The following NRK variants were observed in gnomAD, a reference collection of about 807,000 sequenced individuals.
The protein encoded by NRK is nik-related protein kinase.
Under a neutral mutation model 125.2 loss-of-function variants are expected in NRK, and 67 were observed. The ratio of observed to expected loss-of-function variants is 0.54; its 90% CI spans 0.44 to 0.66. NRK has a LOEUF of 0.66. Among genes scored for constraint, NRK ranks in the 30% least tolerant of loss-of-function variants. The probability of loss-of-function intolerance (pLI) is 0.00; values close to 1 mark genes in which losing one functional copy is unlikely to be tolerated. For missense variants in NRK, 1,224 were observed against 1,192.9 expected (o/e 1.03, Z -0.38); for synonymous variants, 458 against 429.0 (o/e 1.07, Z -0.84).
chrX:105,826,134 G>GAT (rs1206763073), intron 1 of NRK, among the ~76,000 whole-genome samples: 1 of 88,562 alleles, frequency 1.1e-5, no homozygotes. Context: ...TATATGGTAA[G>GAT]ATATATATAT....
In NRK at chrX:105,836,027, G is replaced by T. The variant is rs533763455; in HGVS notation, c.123+4908G>T. Among the ~76,000 whole-genome samples the T allele has an allele frequency of 6.3e-5, 7 of 111,724 alleles. No individual in the cohort carries two copies. The South Asian group carries it at 2.6e-3, about 41-fold the overall frequency. Reference sequence around the variant, plus strand: ...AGTTGAATTCTTTATACCTGCTTCCGTTGTGACCTTGTCTTCCCTCTACAG... The same window carrying T: ...AGTTGAATTCTTTATACCTGCTTCCTTTGTGACCTTGTCTTCCCTCTACAG... On this transcript the variant is annotated intron_variant, in intron 2 of 28. Transcript: ENST00000243300.
At chrX:105,884,183 A>G (rs755171176) in intron 4 of NRK, among the ~76,000 whole-genome samples, 6 of 111,902 alleles carry the variant, frequency 5.4e-5, no homozygotes, top group Non-Finnish European at 9.4e-5. Context: ...TCAACTGCAC[A>G]TATCAGGACC....
intron 1 of NRK, among the ~76,000 whole-genome samples, 153 bp downstream of exon 1, chrX:105,823,055 A>G (rs1376142376): frequency 8.8e-6 from 1 of 113,220 alleles, no homozygotes; most frequent in African/African-American, 3.2e-5. Flanking sequence ...CGGCATGCGG[A>G]AAAGGCGCCC....
rs1412078460 is a variant in NRK, at chrX:105,915,773, C to T, written c.2393C>T (p.Ala798Val). Residue 798 changes from alanine to valine, a missense_variant, in exon 15 of 29, where the codon GCA (alanine) becomes GTA (valine). Coordinates refer to ENST00000243300, the MANE Select transcript of NRK (RefSeq NM_198465.4). ...SPSVPNNQDH[A>V]HHVKFSSSVP... ...TCTGTGCCTAACAACCAGGATCATG[C>T]ACATCATGTCAAGTTCTCTTCAAGG... 8.8e-7 allele frequency: 1 copy of T among 1,137,736 alleles called. No individual in the cohort carries two copies. The highest frequency in any genetic ancestry group is 3.0e-5 in the East Asian group (1 of 33,264). The allele number at this position is 1,137,736 out of a possible 1,213,427, so 93.8% of individuals were successfully genotyped here. A position where few individuals can be genotyped will look rare whatever the true frequency, so the allele number is the denominator to read the frequency against.
At chrX:105,846,575 C>T (rs1204768522) in intron 2 of NRK, among the ~76,000 whole-genome samples, 1 of 111,444 alleles carries the variant, frequency 9.0e-6, no homozygotes, top group Non-Finnish European at 1.9e-5. Flanking sequence ...GGCAGCAATA[C>T]ACTGTAGATC....
rs933238778 is a variant in NRK at position 105,947,344 on chromosome X, G to A, written c.4353+880G>A. ...TGTAGTCCCAGCTCCTTGGGAGGCTGAGGCAGGAGAATGGCGTGAACCCGG... is the reference window on the plus strand; with the variant it reads ...TGTAGTCCCAGCTCCTTGGGAGGCTAAGGCAGGAGAATGGCGTGAACCCGG... On this transcript the variant is annotated intron_variant, in intron 26 of 28. Coordinates refer to ENST00000243300, the MANE Select transcript of NRK (RefSeq NM_198465.4). Among the ~76,000 whole-genome samples, 14 of 73,947 alleles carry A rather than the reference G, an allele frequency of 1.9e-4. 2 individuals are homozygous for A. In the East Asian group the frequency reaches 5.2e-3, roughly 27 times the overall value. 64.2% of individuals were successfully genotyped at this position (73,947 alleles called of 115,157 possible).
chrX:105,942,333 G>A (rs149140263), intron 23 of NRK, among the ~76,000 whole-genome samples: 3,118 of 111,405 alleles, frequency 0.028, 56 homozygotes, highest in Non-Finnish European at 0.041. Context: ...TGGTTGCACC[G>A]TTTCACATTG....
intron 2 of NRK, among the ~76,000 whole-genome samples, chrX:105,869,361 AG>A (rs2039712800): frequency 9.0e-6 from 1 of 111,432 alleles, no homozygotes; most frequent in Non-Finnish European, 1.9e-5. Flanking sequence ...CTAGACCCTA[AG>A]GGCCTTGTAC....
intron 1 of NRK, among the ~76,000 whole-genome samples, 180 bp downstream of exon 1, chrX:105,823,082 G>A (rs2147624913): frequency 8.8e-6 from 1 of 113,194 alleles, no homozygotes; most frequent in South Asian, 3.6e-4. Flanking sequence ...CACCGGGACC[G>A]CACCAAACTC....
Position 105,944,007 on chromosome X carries a change from C to T in NRK, c.4025C>T (p.Ala1342Val), listed in dbSNP as rs756247924. The part of the protein sequence containing the change: ...LKSSIHLYAW[A>V]PKSFDESTAI... ...TCATCAATTCACCTTTATGCATGGGCACCAAAGTCCTTTGATGAAAGCACT... is the reference window on the plus strand; with the variant it reads ...TCATCAATTCACCTTTATGCATGGGTACCAAAGTCCTTTGATGAAAGCACT... Residue 1342 changes from alanine to valine, a missense_variant, in exon 24 of 29, where the codon GCA becomes GTA. Transcript: ENST00000243300. 7 of 1,160,247 alleles carry T rather than the reference C, an allele frequency of 6.0e-6. No homozygotes were observed. The South Asian group carries it at 1.1e-4, about 19-fold the overall frequency.
chrX:105,834,553 C>G (rs1318467361), intron 2 of NRK, among the ~76,000 whole-genome samples: 2 of 110,044 alleles, frequency 1.8e-5, no homozygotes, highest in Non-Finnish European at 3.8e-5. Flanking sequence ...TGACATATTT[C>G]ATTATTTGGG....
At chrX:105,903,287 T>A (rs1263243854) in intron 9 of NRK, among the ~76,000 whole-genome samples, 1 of 110,743 alleles carries the variant, frequency 9.0e-6, no homozygotes, top group Non-Finnish European at 1.9e-5. Context: ...ATATTCTCAA[T>A]GATGCTTCTT....
intron 13 of NRK, 25 bp downstream of exon 13, chrX:105,909,907 C>G: frequency 1.8e-6 from 2 of 1,089,252 alleles, no homozygotes; most frequent in Non-Finnish European, 2.4e-6. Flanking sequence ...TATTTTTACT[C>G]TGAGTCAAAA....
rs761975846 is a variant in NRK, at chrX:105,875,647, TTTA to T, written c.124-4533_124-4531del. 1.4e-4 allele frequency among the ~76,000 whole-genome samples: 15 copies of T among 109,709 alleles called. No homozygotes were observed. In the South Asian group the frequency reaches 1.9e-3, roughly 14 times the overall value. On this transcript the variant is annotated intron_variant, in intron 2 of 28. Coordinates refer to ENST00000243300, the MANE Select transcript of NRK (RefSeq NM_198465.4). ...CCCCAAATCAATAACTGAATTATTA[TTTA>T]TTATTATTATTATTATTAACTAAAC...
In NRK at chrX:105,909,884, TA is replaced by T; in HGVS notation, c.2241+4del. 9.0e-7 allele frequency: 1 copy of T among 1,116,261 alleles called. No homozygotes were observed. The highest frequency in any genetic ancestry group is 1.9e-5 in the African/African-American group (1 of 53,927). 92.0% of individuals were successfully genotyped at this position (1,116,261 alleles called of 1,213,427 possible). A position where few individuals can be genotyped will look rare whatever the true frequency, so the allele number is the denominator to read the frequency against. On this transcript the variant is annotated splice_donor_region_variant and intron_variant, in intron 13 of 28. Coordinates refer to ENST00000243300, the MANE Select transcript of NRK (RefSeq NM_198465.4). ...GAAGAATTGAGACAAGTTGATAAAG[TA>T]AGAATTTTTGATATTTTTACTCTGA...
chrX:105,909,494 G>T lies in NRK; in HGVS notation c.1853G>T (p.Gly618Val), dbSNP rs1440315372. ...ATTCCAGTAGAGGGGCAAACTGAAG[G>T]ATCACCTCAGGCACAGGCTTGGACA... ...VLIPVEGQTE[G>V]SPQAQAWTLE... Residue 618 changes from glycine to valine, a missense_variant, in exon 13 of 29, where the codon GGA (glycine) becomes GTA (valine). By Grantham distance (109) the Gly-to-Val change is moderately radical. Coordinates refer to ENST00000243300, the MANE Select transcript of NRK (RefSeq NM_198465.4). 4 of 1,208,431 alleles carry T rather than the reference G, an allele frequency of 3.3e-6. No individual in the cohort carries two copies. The highest frequency in any genetic ancestry group is 4.5e-6 in the Non-Finnish European group (4 of 894,486).
In NRK at chrX:105,924,772, G is replaced by T; in HGVS notation, c.3053G>T (p.Gly1018Val). Residue 1018 changes from glycine (G) to valine (V), a missense_variant, in exon 19 of 29, where the codon GGC becomes GTC. By Grantham distance (109) the Gly-to-Val change is moderately radical. Coordinates refer to ENST00000243300, the MANE Select transcript of NRK (RefSeq NM_198465.4). ...CGTGGAAAAGAGGAAGCCTACAGAGGCTATGGAAGCCATACAGCCAATAGA... is the reference window on the plus strand; with the variant it reads ...CGTGGAAAAGAGGAAGCCTACAGAGTCTATGGAAGCCATACAGCCAATAGA... ...GSRGKEEAYR[G>V]YGSHTANRSH... is the part of the protein sequence containing the mutation. 1 of 1,207,832 alleles carries T rather than the reference G, an allele frequency of 8.3e-7. No individual in the cohort carries two copies.
At chrX:105,897,799 T>C (rs2147732053) in intron 7 of NRK, among the ~76,000 whole-genome samples, 1 of 112,532 alleles carries the variant, frequency 8.9e-6, no homozygotes, top group East Asian at 2.8e-4. Flanking sequence ...CTTAGGTTTT[T>C]CTTTTTCCTT....
chrX:105,848,415 C>T (rs2039428414), intron 2 of NRK, among the ~76,000 whole-genome samples: 1 of 111,699 alleles, frequency 9.0e-6, no homozygotes, highest in Non-Finnish European at 1.9e-5. Flanking sequence ...ATTACTTTTC[C>T]CTCTCACATA....
Sources: allele counts gnomAD v4.1 joint callset (sites outside exome capture counted in the v4.1 genomes callset), GRCh38; gene constraint gnomAD v4.1.1; transcripts MANE v1.5; gene names NCBI Gene and HGNC (gene_info 2026-07-23, HGNC 2026-07-21).